TNK2: variants seen among roughly 807,000 people sequenced by gnomAD.
The protein encoded by TNK2 is activated CDC42 kinase 1.
TNK2 carries 83 observed loss-of-function variants against 101.8 expected under a neutral mutation model. That is an observed-to-expected ratio of 0.82 (90% CI 0.68 to 0.98). The LOEUF (loss-of-function observed/expected upper bound fraction) is 0.98. Among genes scored for constraint, TNK2 ranks in the 50% least tolerant of loss-of-function variants. TNK2 has a pLI of 0.00. For missense variants in TNK2, 1,665 were observed against 1,483.2 expected, an observed-to-expected ratio of 1.12 and a Z score of -2.01; for synonymous variants, 804 against 633.0, an observed-to-expected ratio of 1.27 and a Z score of -4.06.
intron 1 of TNK2, among the ~76,000 whole-genome samples, chr3:195,896,539 C>T (rs1264969078): frequency 6.6e-6 from 1 of 152,204 alleles, no homozygotes; most frequent in African/African-American, 2.4e-5. Flanking sequence ...AAGGCACATA[C>T]TAGTCTTGGG....
In TNK2 at chr3:195,886,930, G is replaced by A. The variant is rs761544352; in HGVS notation, c.234+47C>T. ...CCCAGGACCAGAAGCGGAGGGGGGC[G>A]TTCGAGGCTGCCCCCCTCCCACCTC... On this transcript the variant is annotated intron_variant, in intron 3 of 15. Coordinates refer to ENST00000672887, the MANE Select transcript of TNK2 (RefSeq NM_001382273.1). This position sits in a 1 kb window ranked among gnomAD's most constrained non-coding sequence, Gnocchi z 4.2. 2.4e-5 allele frequency: 38 copies of A among 1,588,744 alleles called. No individual in the cohort carries two copies. The South Asian group carries it at 2.4e-4, about 10-fold the overall frequency.
chr3:195,884,022 G>A (rs972511141), intron 4 of TNK2: 3 of 152,558 alleles, frequency 2.0e-5, no homozygotes, highest in South Asian at 2.1e-4. Context: ...CTGAGGTGCT[G>A]GGAATGCACC....
At chr3:195,866,606 G>A (rs995687608) in intron 15 of TNK2, among the ~76,000 whole-genome samples, 1 of 152,224 alleles carries the variant, frequency 6.6e-6, no homozygotes, top group African/African-American at 2.4e-5. Context: ...TCCTGGAGCC[G>A]CTCAGGGTCA....
At position 195,882,117 on chromosome 3, in the gene TNK2, A is replaced by ATCAGC; in HGVS notation, c.816_820dup (p.Met274SerfsTer2). The stretch of plus-strand genomic sequence containing the variant: ...GTCGTCATTCTGAGGTAGTGCTCGC[A>ATCAGC]TCAGCCCAAAGTCCCCGATCTTGAC... On this transcript the variant is annotated stop_gained and frameshift_variant, in exon 6 of 16. Coordinates refer to ENST00000672887, the MANE Select transcript of TNK2 (RefSeq NM_001382273.1). LOFTEE classifies it high-confidence loss of function. This position sits in a 1 kb window ranked among gnomAD's most constrained non-coding sequence, Gnocchi z 4.2. 7 of 1,613,814 alleles carry ATCAGC rather than the reference A, an allele frequency of 4.3e-6. No individual in the cohort carries two copies. The highest frequency in any genetic ancestry group is 5.9e-6 in the Non-Finnish European group (7 of 1,180,002).
chr3:195,866,773 G>T, intron 15 of TNK2, 116 bp downstream of exon 15: 1 of 1,425,230 alleles, frequency 7.0e-7, no homozygotes, highest in East Asian at 2.5e-5. Flanking sequence ...CAGCTGGAGA[G>T]CTGTGTCTCC....
intron 15 of TNK2, 24 bp downstream of exon 15, chr3:195,866,865 G>A (rs987894083): frequency 1.2e-6 from 2 of 1,606,274 alleles, no homozygotes; most frequent in Admixed American, 3.4e-5. Context: ...GCACGGAGCG[G>A]GGCAGACTGT....
rs1427715415 is a variant in TNK2, at chr3:195,867,900, A to G, written c.2398T>C (p.Ser800Pro). The G allele has an allele frequency of 1.3e-6, 2 of 1,531,904 alleles. No homozygotes were observed. Among genetic ancestry groups the G allele is most frequent in the Non-Finnish European group, 1.7e-6 (2 of 1,148,806 alleles). The allele number at this position is 1,531,904 out of a possible 1,614,324, so 94.9% of individuals were successfully genotyped here. Residue 800 changes from serine to proline, a missense_variant, in exon 13 of 16, where the codon TCC becomes CCC. Physicochemically the swap from Ser to Pro is moderately conservative, Grantham distance 74. Around this residue, in one of 3 missense-constraint regions of TNK2, gnomAD observed 1,136 missense variants for 894.9 expected, o/e 1.27. Transcript: ENST00000672887. ...CTGGGTGTCCTCGAGCCTTGAGGGG[A>G]CAGGGGCTCCCGCGGAGGCACCCGG... ...PPRVPPREPL[S>P]PQGSRTPSPL...
intron 15 of TNK2, among the ~76,000 whole-genome samples, chr3:195,866,672 T>G (rs750406280): frequency 5.9e-5 from 9 of 152,234 alleles, no homozygotes; most frequent in Non-Finnish European, 1.3e-4. Context: ...AATTCCCTCT[T>G]GTACTCATTT....
chr3:195,899,026 G>A (rs1760939637), intron 1 of TNK2, among the ~76,000 whole-genome samples: 1 of 152,162 alleles, frequency 6.6e-6, no homozygotes. Flanking sequence ...AACCCGGGAG[G>A]CGGAGGTTGC....
chr3:195,895,455 C>T lies in TNK2; in HGVS notation c.-18-6849G>A, dbSNP rs557598532. 34 of 1,416,424 alleles carry T rather than the reference C, an allele frequency of 2.4e-5. No individual in the cohort carries two copies. The East Asian group carries it at 6.3e-4, about 26-fold the overall frequency. 87.7% of individuals were successfully genotyped at this position (1,416,424 alleles called of 1,614,324 possible). A position where few individuals can be genotyped will look rare whatever the true frequency, so the allele number is the denominator to read the frequency against. Reference sequence around the variant, plus strand: ...AGGGCCGCTACTGCGTCTCAGCCCCCATAGCCTCATCCGCCATCGGCCGGC... The same window carrying T: ...AGGGCCGCTACTGCGTCTCAGCCCCTATAGCCTCATCCGCCATCGGCCGGC... On this transcript the variant is annotated intron_variant, in intron 1 of 15. Coordinates refer to ENST00000672887, the MANE Select transcript of TNK2 (RefSeq NM_001382273.1).
intron 1 of TNK2, among the ~76,000 whole-genome samples, chr3:195,897,498 C>T (rs952233614): frequency 1.2e-4 from 18 of 152,278 alleles, no homozygotes; most frequent in African/African-American, 3.4e-4. Flanking sequence ...CTCTTCACCC[C>T]ACATGTTTTT....
Position 195,884,938 on chromosome 3 carries a change from C to T in TNK2, c.330G>A (p.Gly110=), listed in dbSNP as rs762694169. 28 of 1,613,942 alleles carry T rather than the reference C, an allele frequency of 1.7e-5. No homozygotes were observed. Among genetic ancestry groups the T allele is most frequent in the Non-Finnish European group, 2.3e-5 (27 of 1,179,932 alleles). ...AGGTGAGGCTCTGCAGGGGCCCCTC[C>T]CCTGCTGGGCCCCCAGGGGCGGGCG... ...KTSPAPGGPA[G]EGPLQSLTCL... Residue 110 remains glycine (G), a synonymous_variant, in exon 4 of 16, where the codon GGG becomes GGA. Transcript: ENST00000672887.
At position 195,888,292 on chromosome 3, in the gene TNK2, C is replaced by T. The variant is rs1757000883; in HGVS notation, c.163+134G>A. On this transcript the variant is annotated intron_variant, in intron 2 of 15. Coordinates refer to ENST00000672887, the MANE Select transcript of TNK2 (RefSeq NM_001382273.1). The surrounding 1 kb of genome is among the most constrained non-coding windows in gnomAD (Gnocchi z 5.3). ...CAACTGTTCTCATCACACATCAGCA[C>T]CTACTGATGTCCCTCCTGCTCCCTC... 1 of 904,174 alleles carries T rather than the reference C, an allele frequency of 1.1e-6. No individual in the cohort carries two copies. The highest frequency in any genetic ancestry group is 1.7e-6 in the Non-Finnish European group (1 of 589,062). The allele number at this position is 904,174 out of a possible 1,614,324, so 56.0% of individuals were successfully genotyped here.
chr3:195,890,453 G>GTT (rs1560533402), intron 1 of TNK2, among the ~76,000 whole-genome samples: 2 of 134,622 alleles, frequency 1.5e-5, no homozygotes, highest in Non-Finnish European at 1.6e-5. Flanking sequence ...ATAGTTTTTT[G>GTT]GTTTTTTTTT....
intron 1 of TNK2, among the ~76,000 whole-genome samples, chr3:195,893,329 GGGTGA>G (rs1484223150): frequency 1.3e-5 from 2 of 152,028 alleles, no homozygotes; most frequent in East Asian, 3.9e-4. Flanking sequence ...GGGTAGGGTG[GGGTGA>G]GGATCCTCAC....
chr3:195,867,270 C>T lies in TNK2; in HGVS notation c.2938-6G>A. On this transcript the variant is annotated splice_region_variant and splice_polypyrimidine_tract_variant and intron_variant, in intron 13 of 15. Coordinates refer to ENST00000672887, the MANE Select transcript of TNK2 (RefSeq NM_001382273.1). Reference sequence around the variant, plus strand: ...CCATGCACCATGGCCTGCAGCTGGGCACACCCACCCCTGTCAGCACCACTA... The same window carrying T: ...CCATGCACCATGGCCTGCAGCTGGGTACACCCACCCCTGTCAGCACCACTA... 6.2e-7 allele frequency: 1 copy of T among 1,609,144 alleles called. No homozygotes were observed. The highest frequency in any genetic ancestry group is 8.5e-7 in the Non-Finnish European group (1 of 1,177,810).
intron 15 of TNK2, among the ~76,000 whole-genome samples, 184 bp from the exon 16 acceptor site, chr3:195,864,371 A>C (rs1739117503): frequency 6.6e-6 from 1 of 152,130 alleles, no homozygotes; most frequent in Non-Finnish European, 1.5e-5. Flanking sequence ...GTAAACTAAC[A>C]GAAGAGCACT....
Position 195,885,078 on chromosome 3 carries a change from G to T in TNK2, c.235-45C>A, listed in dbSNP as rs1276321516. The T allele has an allele frequency of 2.0e-6, 3 of 1,526,220 alleles. No individual in the cohort carries two copies. The highest frequency in any genetic ancestry group is 2.7e-6 in the Non-Finnish European group (3 of 1,129,002). 94.5% of individuals were successfully genotyped at this position (1,526,220 alleles called of 1,614,324 possible). On this transcript the variant is annotated intron_variant, in intron 3 of 15. Transcript: ENST00000672887. This position sits in a 1 kb window ranked among gnomAD's most constrained non-coding sequence, Gnocchi z 4.7. Reference sequence around the variant, plus strand: ...GGCCAGATGGAATCCAACACCCCAGGGTCAGTCACTCAGTCCCACCCCGCT... The same window carrying T: ...GGCCAGATGGAATCCAACACCCCAGTGTCAGTCACTCAGTCCCACCCCGCT...
intron 9 of TNK2, 49 bp from the exon 10 acceptor site, chr3:195,872,519 C>T (rs1577018285): frequency 6.5e-7 from 1 of 1,535,668 alleles, no homozygotes; most frequent in East Asian, 2.3e-5. Context: ...CGGGGCAGCC[C>T]CGGCACTGGG....
Sources: gnomAD v4.1 joint callset for allele counts (sites outside exome capture counted in the v4.1 genomes callset) on GRCh38, gnomAD v4.1.1 for gene constraint, gnomAD v4.1.1 regional missense constraint, Gnocchi (gnomAD v3.1) non-coding constraint, MANE v1.5 for transcripts, NCBI Gene and HGNC (gene_info 2026-07-23, HGNC 2026-07-21) for gene names.